The following RP1 variants were observed in gnomAD, a reference collection of about 807,000 sequenced individuals.
RP1 encodes oxygen-regulated protein 1.
A neutral mutation model predicts 14.8 loss-of-function variants in RP1; 16 were observed. That is an observed-to-expected ratio of 1.08 (90% CI 0.73 to 1.65). The LOEUF (loss-of-function observed/expected upper bound fraction) is 1.65. Among genes scored for constraint, RP1 ranks in the 40% most tolerant of loss-of-function variants. The pLI is 0.00. For synonymous variants in RP1, 876 were observed against 883.6 expected (o/e 0.99, Z 0.15); for missense variants, 2,631 against 2,535.0 (o/e 1.04, Z -0.81).
chr8:54,718,338 A>G (rs1808451996), intron 15 of RP1, among the ~76,000 whole-genome samples: 1 of 152,232 alleles, frequency 6.6e-6, no homozygotes, highest in Non-Finnish European at 1.5e-5. Context: ...ATAGAAATCA[A>G]GACAGTGTGT....
At chr8:54,714,792 G>C (rs1808363897) in intron 15 of RP1, among the ~76,000 whole-genome samples, 1 of 152,212 alleles carries the variant, frequency 6.6e-6, no homozygotes, top group Non-Finnish European at 1.5e-5. Flanking sequence ...AGATGAACTT[G>C]TCAGTGGTGA....
At chr8:54,842,093 T>TA (rs1350945357) in intron 25 of RP1, among the ~76,000 whole-genome samples, 1 of 152,144 alleles carries the variant, frequency 6.6e-6, no homozygotes, top group Non-Finnish European at 1.5e-5. Flanking sequence ...TGAGCTAAAT[T>TA]AAAAAAAGGA....
intron 1 of RP1, among the ~76,000 whole-genome samples, chr8:54,608,994 G>A (rs1805526057): frequency 6.6e-6 from 1 of 152,178 alleles, no homozygotes; most frequent in Non-Finnish European, 1.5e-5. Flanking sequence ...GCTAAGGCAT[G>A]AGGAAAGTCC....
chr8:54,733,008 T>C (rs1808829134), intron 17 of RP1, among the ~76,000 whole-genome samples: 1 of 152,032 alleles, frequency 6.6e-6, no homozygotes, highest in African/African-American at 2.4e-5. Context: ...AGTATGAGGG[T>C]TGAGTGAGAG....
chr8:54,624,521 G>T (rs1805972432), intron 3 of RP1, 149 bp from the exon 4 acceptor site: 5 of 608,418 alleles, frequency 8.2e-6, no homozygotes, highest in Non-Finnish European at 1.1e-5. Flanking sequence ...ATTTTACTAT[G>T]AAATACAGAA....
At chr8:54,756,492 T>G (rs184029368) in intron 21 of RP1, among the ~76,000 whole-genome samples, 3 of 152,246 alleles carry the variant, frequency 2.0e-5, no homozygotes, top group African/African-American at 7.2e-5. Flanking sequence ...AAAGCTCACC[T>G]ATACATTTGT....
chr8:54,630,363 C>A lies in RP1; in HGVS notation c.*10C>A, dbSNP rs1484656384. 6.2e-7 allele frequency: 1 copy of A among 1,613,124 alleles called. No individual in the cohort carries two copies. The highest frequency in any genetic ancestry group is 1.1e-5 in the South Asian group (1 of 90,878). ...ACAAGAAGATTTATAATTTCAATAT[C>A]AGCACACTCATTCTTTGTCAATTCA... is the stretch of plus-strand genomic sequence containing the variant. On this transcript the variant is annotated 3_prime_UTR_variant, in exon 4 of 4. Coordinates refer to ENST00000220676, the MANE Select transcript of RP1 (RefSeq NM_006269.2).
At chr8:54,601,436 G>T (rs7003656) in intron 1 of RP1, among the ~76,000 whole-genome samples, 1 of 148,902 alleles carries the variant, frequency 6.7e-6, no homozygotes, top group Non-Finnish European at 1.5e-5. Context: ...GTTGGGGGAG[G>T]GGGGAGGGAT....
chr8:54,736,323 C>T (rs182809988), intron 18 of RP1, among the ~76,000 whole-genome samples: 101 of 152,252 alleles, frequency 6.6e-4, no homozygotes, highest in Admixed American at 1.8e-3. Flanking sequence ...TATTGACATA[C>T]GGTAAAACTC....
intron 22 of RP1, among the ~76,000 whole-genome samples, chr8:54,762,761 G>A (rs1360309086): frequency 1.3e-5 from 2 of 152,134 alleles, no homozygotes; most frequent in African/African-American, 4.8e-5. Context: ...GGTGTCATCG[G>A]GGCCTCACTG....
At chr8:54,773,938 A>AT (rs1358553816), downstream of RP1, among the ~76,000 whole-genome samples, 1 of 152,096 alleles carries the variant, frequency 6.6e-6, no homozygotes, top group Non-Finnish European at 1.5e-5. Context: ...TTATTAAAAT[A>AT]TTTTTTCTCT....
At chr8:54,767,425 T>A (rs924339529) in intron 22 of RP1, among the ~76,000 whole-genome samples, 1 of 151,652 alleles carries the variant, frequency 6.6e-6, no homozygotes, top group African/African-American at 2.4e-5. Context: ...AGTGGAGCGA[T>A]CTCAGCCTAC....
At chr8:54,719,015 C>T (rs1438852177) in intron 15 of RP1, among the ~76,000 whole-genome samples, 1 of 152,132 alleles carries the variant, frequency 6.6e-6, no homozygotes, top group Non-Finnish European at 1.5e-5. Flanking sequence ...GTTTGGGAAT[C>T]TCAGGAAACA....
At chr8:54,683,931 G>A (rs1327270159) in intron 12 of RP1, among the ~76,000 whole-genome samples, 2 of 151,422 alleles carry the variant, frequency 1.3e-5, no homozygotes, top group African/African-American at 2.4e-5. Flanking sequence ...TAGTGGCTGT[G>A]GGTTTGTCAT....
intron 15 of RP1, among the ~76,000 whole-genome samples, chr8:54,711,658 A>T (rs1405526498): frequency 1.3e-5 from 2 of 152,212 alleles, no homozygotes; most frequent in Non-Finnish European, 2.9e-5. Context: ...GCAGGTCTTC[A>T]CCTAAAACTG....
In RP1 at chr8:54,629,438, A is replaced by C. The variant is rs758819360; in HGVS notation, c.5556A>C (p.Thr1852=). 1 of 1,614,196 alleles carries C rather than the reference A, an allele frequency of 6.2e-7. No individual in the cohort carries two copies. Among genetic ancestry groups the C allele is most frequent in the Non-Finnish European group, 8.5e-7 (1 of 1,180,006 alleles). Residue 1852 remains threonine, a synonymous_variant, in exon 4 of 4, where the codon ACA becomes ACC. Transcript: ENST00000220676. ...AGGAAAGAATAGCAAATCATCATAC[A>C]GAGGAGAAGGGTAGTCATCAGTCAG... is the stretch of plus-strand genomic sequence containing the variant. ...CAKERIANHH[T]EEKGSHQSER...
intron 1 of RP1, among the ~76,000 whole-genome samples, chr8:54,580,680 A>G (rs1179311057): frequency 6.8e-6 from 1 of 146,354 alleles, no homozygotes; most frequent in East Asian, 2.1e-4. Context: ...GTGCAGTGGC[A>G]CAATCTTTGC....
intron 12 of RP1, among the ~76,000 whole-genome samples, chr8:54,693,140 T>A (rs184785966): frequency 0.013 from 2,054 of 152,280 alleles, 49 homozygotes; most frequent in African/African-American, 0.046. Flanking sequence ...ATATGAGGCA[T>A]TATTTCTGAG....
intron 15 of RP1, among the ~76,000 whole-genome samples, chr8:54,718,492 C>T (rs1175241620): frequency 1.3e-5 from 2 of 152,210 alleles, no homozygotes; most frequent in Non-Finnish European, 2.9e-5. Flanking sequence ...ACAAATGGTA[C>T]TGGAACAATT....
Sources: gnomAD v4.1 joint callset for allele counts (sites outside exome capture counted in the v4.1 genomes callset) on GRCh38, gnomAD v4.1.1 for gene constraint, MANE v1.5 for transcripts, NCBI Gene and HGNC (gene_info 2026-07-23, HGNC 2026-07-21) for gene names.